TBC1D16: variants seen among roughly 807,000 people sequenced by gnomAD.
The protein encoded by TBC1D16 is CTD-2529O21.1.
Under a neutral mutation model 74.7 loss-of-function variants are expected in TBC1D16, and 58 were observed. That is an observed-to-expected ratio of 0.78 (90% CI 0.63 to 0.97). TBC1D16 has a LOEUF of 0.97. Among genes scored for constraint, TBC1D16 ranks in the 50% least tolerant of loss-of-function variants. The probability of loss-of-function intolerance (pLI) is 0.00; values close to 1 mark genes in which losing one functional copy is unlikely to be tolerated. For synonymous variants in TBC1D16, 493 were observed against 474.7 expected, an observed-to-expected ratio of 1.04 and a Z score of -0.50; for missense variants, 1,014 against 1,079.5, an observed-to-expected ratio of 0.94 and a Z score of 0.85.
At chr17:79,996,679 G>A (rs1031579279) in intron 3 of TBC1D16, among the ~76,000 whole-genome samples, 9 of 152,234 alleles carry the variant, frequency 5.9e-5, no homozygotes, top group Admixed American at 5.9e-4. Context: ...CCAGGAGTTC[G>A]AGACCAGCCT....
At position 79,932,494 on chromosome 17, in the gene TBC1D16, C is replaced by A. The variant is rs967460606; in HGVS notation, c.*8365G>T. The A allele has an allele frequency of 3.3e-5, 5 of 152,280 alleles. No individual in the cohort carries two copies. The highest frequency in any genetic ancestry group is 7.2e-5 in the African/African-American group (3 of 41,470). 9.4% of individuals were successfully genotyped at this position (152,280 alleles called of 1,614,324 possible). A position where few individuals can be genotyped will look rare whatever the true frequency, so the allele number is the denominator to read the frequency against. ...CACTGGTCACAGACCTCCACTGAGCCCAGTTAGAGCGCTGACCTCCCATCT... is the reference window on the plus strand; with the variant it reads ...CACTGGTCACAGACCTCCACTGAGCACAGTTAGAGCGCTGACCTCCCATCT... On this transcript the variant is annotated 3_prime_UTR_variant, in exon 12 of 12. Coordinates refer to ENST00000310924, the MANE Select transcript of TBC1D16 (RefSeq NM_019020.4).
intron 3 of TBC1D16, among the ~76,000 whole-genome samples, chr17:79,968,002 A>C (rs1481119655): frequency 3.3e-5 from 5 of 152,174 alleles, no homozygotes; most frequent in Non-Finnish European, 7.4e-5. Flanking sequence ...ATCTTTAAAA[A>C]ATTTTTTTGA....
At chr17:79,973,470 A>G (rs888767473) in intron 3 of TBC1D16, among the ~76,000 whole-genome samples, 61 of 152,248 alleles carry the variant, frequency 4.0e-4, no homozygotes, top group Admixed American at 1.4e-3. Flanking sequence ...AGCACTTTGG[A>G]AGGCCAAGGC....
In TBC1D16 at chr17:79,935,929, T is replaced by C. The variant is rs534111451; in HGVS notation, c.*4930A>G. ...TGCATGACTTGACCTCTCTTTGAAC[T>C]TGAAATGCTACCTTCCTACCCGGAA... is the stretch of plus-strand genomic sequence containing the variant. On this transcript the variant is annotated 3_prime_UTR_variant, in exon 12 of 12. Coordinates refer to ENST00000310924, the MANE Select transcript of TBC1D16 (RefSeq NM_019020.4). 5.3e-5 allele frequency: 8 copies of C among 152,324 alleles called. No individual in the cohort carries two copies. The East Asian group carries it at 1.2e-3, about 22-fold the overall frequency. 9.4% of individuals were successfully genotyped at this position (152,324 alleles called of 1,614,324 possible). A position where few individuals can be genotyped will look rare whatever the true frequency, so the allele number is the denominator to read the frequency against.
At chr17:79,949,903 G>A (rs2032906452) in intron 6 of TBC1D16, 38 bp from the exon 7 acceptor site, 1 of 1,599,426 alleles carries the variant, frequency 6.3e-7, no homozygotes. Context: ...GGGATAAAAT[G>A]GGGCAGCTCA....
rs1199393148 is a variant in TBC1D16 at position 79,962,149 on chromosome 17, A to G, written c.780-9331T>C. On this transcript the variant is annotated intron_variant, in intron 3 of 11. Transcript: ENST00000310924. Reference sequence around the variant, plus strand: ...AGATGCAACTTTTTTCCTTTTTCCAATTATTTTATTGTGTTAAAAAATACT... The same window carrying G: ...AGATGCAACTTTTTTCCTTTTTCCAGTTATTTTATTGTGTTAAAAAATACT... Among the ~76,000 whole-genome samples, 3 of 151,496 alleles carry G rather than the reference A, an allele frequency of 2.0e-5. No homozygotes were observed. In the East Asian group the frequency reaches 5.8e-4, roughly 29 times the overall value.
In TBC1D16 at chr17:79,945,079, C is replaced by T; in HGVS notation, c.1737G>A (p.Leu579=). 6.3e-7 allele frequency: 1 copy of T among 1,581,680 alleles called. No individual in the cohort carries two copies. Among genetic ancestry groups the T allele is most frequent in the Non-Finnish European group, 8.6e-7 (1 of 1,165,306 alleles). Residue 579 remains leucine, a synonymous_variant, in exon 10 of 12, where the codon CTG becomes CTA. Coordinates refer to ENST00000310924, the MANE Select transcript of TBC1D16 (RefSeq NM_019020.4). ...CGTGCGTCAGCCGCAGCAGCTCGCG[C>T]AGGTACAGCTGGGGGTGAGGCCGTC... ...DEDMEKQLLY[L]RELLRLTHVR...
In TBC1D16 at chr17:80,010,342, C is replaced by G; in HGVS notation, c.597G>C (p.Gly199=). 1 of 1,610,462 alleles carries G rather than the reference C, an allele frequency of 6.2e-7. No individual in the cohort carries two copies. Among genetic ancestry groups the G allele is most frequent in the Non-Finnish European group, 8.5e-7 (1 of 1,178,348 alleles). Residue 199 remains glycine (G), a synonymous_variant, in exon 3 of 12, where the codon GGG becomes GGC. Transcript: ENST00000310924. The surrounding 1 kb of genome is among the most constrained non-coding windows in gnomAD (Gnocchi z 8.8). ...TVSPQDVTEE[G]REPRPEAGEE... ...CCCCGGCCTCGGGCCGCGGCTCCCG[C>G]CCCTCCTCGGTGACATCCTGCGGAC... is the stretch of plus-strand genomic sequence containing the variant.
intron 3 of TBC1D16, among the ~76,000 whole-genome samples, chr17:79,965,183 G>T (rs1185395500): frequency 6.6e-6 from 1 of 151,934 alleles, no homozygotes. Context: ...AGGTTCAAGC[G>T]ATTCTCCTGC....
chr17:80,032,351 G>A (rs1368726277), intron 1 of TBC1D16, among the ~76,000 whole-genome samples: 2 of 152,244 alleles, frequency 1.3e-5, no homozygotes, highest in Non-Finnish European at 1.5e-5. Flanking sequence ...CGACTGGACA[G>A]TGGATTTGGA....
Position 80,001,170 on chromosome 17 carries a change from G to A in TBC1D16, c.779+8990C>T, listed in dbSNP as rs1287861781. Among the ~76,000 whole-genome samples the A allele has an allele frequency of 6.6e-6, 1 of 152,230 alleles. No homozygotes were observed. Among genetic ancestry groups the A allele is most frequent in the Non-Finnish European group, 1.5e-5 (1 of 68,036 alleles). On this transcript the variant is annotated intron_variant, in intron 3 of 11. Coordinates refer to ENST00000310924, the MANE Select transcript of TBC1D16 (RefSeq NM_019020.4). The surrounding 1 kb of genome is among the most constrained non-coding windows in gnomAD (Gnocchi z 5.8). Reference sequence around the variant, plus strand: ...CAGTTCATGGGGCTCTGACCAGCCAGCTGCCCTTCCCGTAACAGCTTCCCT... The same window carrying A: ...CAGTTCATGGGGCTCTGACCAGCCAACTGCCCTTCCCGTAACAGCTTCCCT...
chr17:80,004,626 C>T (rs2035608489), intron 3 of TBC1D16, among the ~76,000 whole-genome samples: 1 of 152,256 alleles, frequency 6.6e-6, no homozygotes, highest in African/African-American at 2.4e-5. Flanking sequence ...TTTTTCCCCA[C>T]TGTAAGGAAT....
chr17:80,023,713 C>A (rs1037296189), intron 1 of TBC1D16, among the ~76,000 whole-genome samples: 7 of 149,692 alleles, frequency 4.7e-5, no homozygotes, highest in Admixed American at 2.0e-4. Flanking sequence ...CGGTGGCCCG[C>A]CTGGCCCCGC....
rs929192799 is a variant in TBC1D16 at position 79,950,417 on chromosome 17, C to T, written c.1251G>A (p.Leu417=). The part of the protein sequence containing the change: ...ELGQVEEEYK[L]RKAIFFGGID... ...GGGCGGACCCGGACCTCACCTTCCG[C>T]AGCTTGTACTCCTCCTCCACCTGGC... The change falls in exon 6 of 12, where the codon CTG becomes CTA. Residue 417 remains leucine, a synonymous_variant. Transcript: ENST00000310924. The surrounding 1 kb of genome is among the most constrained non-coding windows in gnomAD (Gnocchi z 4.6). 1 of 1,608,494 alleles carries T rather than the reference C, an allele frequency of 6.2e-7. No homozygotes were observed. Among genetic ancestry groups the T allele is most frequent in the Non-Finnish European group, 8.5e-7 (1 of 1,178,008 alleles).
At chr17:79,960,390 G>A (rs774398898) in intron 3 of TBC1D16, among the ~76,000 whole-genome samples, 12 of 152,102 alleles carry the variant, frequency 7.9e-5, no homozygotes, top group Admixed American at 2.6e-4. Context: ...AATGCAAATA[G>A]AAAGAAACCT....
At chr17:79,967,255 A>G (rs563270833) in intron 3 of TBC1D16, among the ~76,000 whole-genome samples, 1 of 152,288 alleles carries the variant, frequency 6.6e-6, no homozygotes, top group South Asian at 2.1e-4. Flanking sequence ...AAAAGATTTT[A>G]AAAATAAAAT....
intron 3 of TBC1D16, among the ~76,000 whole-genome samples, chr17:79,965,236 C>T (rs929962548): frequency 3.3e-5 from 5 of 152,010 alleles, no homozygotes; most frequent in Non-Finnish European, 5.9e-5. Flanking sequence ...TGTGCCACCA[C>T]GCCCGGCTAA....
intron 1 of TBC1D16, among the ~76,000 whole-genome samples, chr17:80,014,569 T>C (rs1292970404): frequency 6.6e-6 from 1 of 151,762 alleles, no homozygotes; most frequent in Non-Finnish European, 1.5e-5. Context: ...CAAAAAGCAA[T>C]TTTAAGTCAA....
intron 1 of TBC1D16, among the ~76,000 whole-genome samples, chr17:80,034,066 A>G (rs1465646406): frequency 1.3e-5 from 2 of 152,230 alleles, no homozygotes; most frequent in African/African-American, 2.4e-5. Flanking sequence ...GTAAATGGGC[A>G]TAACTGCAGT....
Sources: gnomAD v4.1 joint callset for allele counts (sites outside exome capture counted in the v4.1 genomes callset) on GRCh38, gnomAD v4.1.1 for gene constraint, Gnocchi (gnomAD v3.1) non-coding constraint, MANE v1.5 for transcripts, NCBI Gene and HGNC (gene_info 2026-07-23, HGNC 2026-07-21) for gene names.